The following DLGAP1 variants were observed in gnomAD, a reference collection of about 807,000 sequenced individuals.
DLGAP1 encodes disks large-associated protein 1.
In DLGAP1, 11 loss-of-function variants were observed where a neutral mutation model predicts 90.8. The ratio of observed to expected loss-of-function variants is 0.12; its 90% confidence interval spans 0.08 to 0.20. The LOEUF is 0.20. DLGAP1 is among the 10% of genes least tolerant of loss of function. DLGAP1 has a pLI of 1.00. For missense variants in DLGAP1, 1,050 were observed against 1,333.8 expected (o/e 0.79, Z 3.31); for synonymous variants, 558 against 540.7 (o/e 1.03, Z -0.44).
intron 2 of DLGAP1, among the ~76,000 whole-genome samples, chr18:4,049,910 C>T (rs907511248): frequency 8.7e-5 from 12 of 138,442 alleles, no homozygotes; most frequent in East Asian, 6.5e-4. Flanking sequence ...ATCCATCCAA[C>T]GGTCCATCCA....
intron 1 of DLGAP1, among the ~76,000 whole-genome samples, chr18:4,425,899 T>C (rs2083141301): frequency 6.6e-6 from 1 of 152,216 alleles, no homozygotes; most frequent in African/African-American, 2.4e-5. Flanking sequence ...TTTGATTGCA[T>C]GATAGTAAAT....
chr18:3,689,782 T>G (rs557592034), intron 7 of DLGAP1, among the ~76,000 whole-genome samples: 4 of 152,054 alleles, frequency 2.6e-5, no homozygotes, highest in Non-Finnish European at 5.9e-5. Flanking sequence ...AAAAAAAAAT[T>G]TGTGGTTAAT....
chr18:4,230,067 A>G (rs1221231355), intron 1 of DLGAP1, among the ~76,000 whole-genome samples: 1 of 152,126 alleles, frequency 6.6e-6, no homozygotes, highest in Non-Finnish European at 1.5e-5. Context: ...TATGAAATGC[A>G]AATTAAAACT....
Position 4,018,129 on chromosome 18 carries a change from T to C in DLGAP1, c.-158-12928A>G, listed in dbSNP as rs1766965969. Among the ~76,000 whole-genome samples, 3 of 152,228 alleles carry C rather than the reference T, an allele frequency of 2.0e-5. No homozygotes were observed. In the South Asian group the frequency reaches 6.2e-4, roughly 32 times the overall value. ...GAAGATTGGCTATGACAAGTGATGC[T>C]GTGGTTTACTCTGACTTAGGTTTGC... On this transcript the variant is annotated intron_variant, in intron 2 of 12. Transcript: ENST00000315677.
chr18:3,959,907 G>A (rs1276437705), intron 3 of DLGAP1, among the ~76,000 whole-genome samples: 5 of 152,164 alleles, frequency 3.3e-5, no homozygotes, highest in Non-Finnish European at 5.9e-5. Context: ...GGAATGAAGT[G>A]TGCCTTTTAC....
intron 5 of DLGAP1, among the ~76,000 whole-genome samples, chr18:3,806,329 G>A (rs758051804): frequency 7.2e-5 from 11 of 152,042 alleles, no homozygotes; most frequent in Non-Finnish European, 1.6e-4. Context: ...TTTTAACACC[G>A]CCAGCCTCTG....
At chr18:4,157,641 T>C (rs139040638) in intron 1 of DLGAP1, among the ~76,000 whole-genome samples, 6 of 151,938 alleles carry the variant, frequency 3.9e-5, no homozygotes, top group African/African-American at 9.6e-5. Flanking sequence ...CAAAGTCCAA[T>C]AGGACAGTGA....
chr18:3,708,248 C>A, intron 7 of DLGAP1: 1 of 362,056 alleles, frequency 2.8e-6, no homozygotes, highest in South Asian at 2.1e-5. Flanking sequence ...TTCAAGTGAT[C>A]CACCTGCCTC....
At chr18:4,150,017 G>A (rs4798185) in intron 2 of DLGAP1, among the ~76,000 whole-genome samples, 55,401 of 152,124 alleles carry the variant, frequency 0.36, 11,934 homozygotes, top group African/African-American at 0.6. Context: ...TCTTTCTAAC[G>A]GAAATTTGGG....
chr18:4,156,590 A>G (rs527690532), intron 1 of DLGAP1, among the ~76,000 whole-genome samples: 34 of 152,334 alleles, frequency 2.2e-4, no homozygotes, highest in African/African-American at 8.2e-4. Context: ...TCCTGATAAA[A>G]TGTTGATAAT....
intron 6 of DLGAP1, among the ~76,000 whole-genome samples, chr18:3,741,079 C>T (rs1264448063): frequency 2.3e-4 from 26 of 113,094 alleles, no homozygotes; most frequent in African/African-American, 8.4e-4. Flanking sequence ...ACCACCACCA[C>T]CATCACCATC....
chr18:4,343,035 C>T (rs916288793), intron 1 of DLGAP1, among the ~76,000 whole-genome samples: 3 of 151,886 alleles, frequency 2.0e-5, no homozygotes, highest in South Asian at 2.1e-4. Flanking sequence ...GGGCCGGGCG[C>T]GGTGGCTCAT....
chr18:3,859,771 T>C (rs934013930), intron 4 of DLGAP1, among the ~76,000 whole-genome samples: 1 of 152,074 alleles, frequency 6.6e-6, no homozygotes, highest in African/African-American at 2.4e-5. Context: ...TGAGACCCAT[T>C]GTGGACTTGT....
chr18:4,189,438 T>C (rs1439704849), intron 1 of DLGAP1, among the ~76,000 whole-genome samples: 2 of 152,104 alleles, frequency 1.3e-5, no homozygotes, highest in Non-Finnish European at 2.9e-5. Context: ...ATCTAAGAAG[T>C]GAGCATTGAA....
chr18:4,181,638 C>T (rs570388448), intron 1 of DLGAP1, among the ~76,000 whole-genome samples: 15 of 152,172 alleles, frequency 9.9e-5, no homozygotes, highest in Non-Finnish European at 1.6e-4. Context: ...TATATCTGGA[C>T]GACAATCAAC....
intron 1 of DLGAP1, among the ~76,000 whole-genome samples, chr18:4,239,333 C>T (rs951936081): frequency 6.6e-6 from 1 of 152,034 alleles, no homozygotes; most frequent in African/African-American, 2.4e-5. Context: ...TAGTTTTTTT[C>T]ATCATTTATT....
intron 1 of DLGAP1, among the ~76,000 whole-genome samples, chr18:4,261,971 C>G (rs899585601): frequency 6.6e-6 from 1 of 152,154 alleles, no homozygotes; most frequent in African/African-American, 2.4e-5. Flanking sequence ...AGTATGTTAA[C>G]CATCATTGAT....
At chr18:3,742,552 C>T in intron 5 of DLGAP1, 40 bp from the exon 6 acceptor site, 1 of 1,606,922 alleles carries the variant, frequency 6.2e-7, no homozygotes, top group Non-Finnish European at 8.5e-7. Flanking sequence ...AGTCACATTC[C>T]AAAATGCAGG....
intron 3 of DLGAP1, chr18:3,978,121 C>A: frequency 4.5e-6 from 2 of 447,328 alleles, no homozygotes. Context: ...AGTCCTTCCA[C>A]GATTCCAAAG....
Sources: allele counts gnomAD v4.1 joint callset (sites outside exome capture counted in the v4.1 genomes callset), GRCh38; gene constraint gnomAD v4.1.1; transcripts MANE v1.5; gene names NCBI Gene and HGNC (gene_info 2026-07-23, HGNC 2026-07-21).